SDK2: variants seen among roughly 807,000 people sequenced by gnomAD.
SDK2 encodes the protein protein sidekick-2.
Under a neutral mutation model 253.9 loss-of-function variants are expected in SDK2, and 105 were observed. The ratio of observed to expected loss-of-function variants is 0.41; its 90% CI spans 0.35 to 0.49. The LOEUF is 0.49. Ranked by LOEUF, SDK2 falls within the 20% of genes least tolerant of loss-of-function variation. The pLI, the probability that SDK2 is intolerant of heterozygous loss-of-function variation, is 0.06. For synonymous variants in SDK2, 1,249 were observed against 1,234.9 expected (o/e 1.01, Z -0.24); for missense variants, 2,608 against 3,003.0 (o/e 0.87, Z 3.07).
chr17:73,435,430 C>T lies in SDK2; in HGVS notation c.1195+20G>A. 1 of 1,573,078 alleles carries T rather than the reference C, an allele frequency of 6.4e-7. No homozygotes were observed. The highest frequency in any genetic ancestry group is 8.6e-7 in the Non-Finnish European group (1 of 1,157,772). On this transcript the variant is annotated intron_variant, in intron 9 of 44. Transcript: ENST00000392650. This position sits in a 1 kb window ranked among gnomAD's most constrained non-coding sequence, Gnocchi z 5.7. Reference sequence around the variant, plus strand: ...TGGGAAGAGGGGCTCACGGGCAGCACAAGGGAAGGCCCAACTTACTGGTGA... The same window carrying T: ...TGGGAAGAGGGGCTCACGGGCAGCATAAGGGAAGGCCCAACTTACTGGTGA...
chr17:73,503,154 A>G (rs1172225674), intron 2 of SDK2, among the ~76,000 whole-genome samples: 1 of 152,254 alleles, frequency 6.6e-6, no homozygotes, highest in Non-Finnish European at 1.5e-5. Flanking sequence ...AGGTGTATCA[A>G]GACTCATGGC....
At chr17:73,549,766 G>A (rs200100033) in intron 1 of SDK2, among the ~76,000 whole-genome samples, 2 of 152,328 alleles carry the variant, frequency 1.3e-5, no homozygotes, top group East Asian at 3.9e-4. Flanking sequence ...GCAGAGACAA[G>A]GAGAGGGGTG....
chr17:73,360,538 A>G (rs1406096111), intron 39 of SDK2, among the ~76,000 whole-genome samples: 1 of 148,808 alleles, frequency 6.7e-6, no homozygotes, highest in Non-Finnish European at 1.5e-5. Flanking sequence ...TTTTGTGTTC[A>G]GGACAGGACA....
chr17:73,421,909 C>A (rs1422019157), intron 15 of SDK2, among the ~76,000 whole-genome samples: 1 of 152,002 alleles, frequency 6.6e-6, no homozygotes, highest in Admixed American at 6.6e-5. Context: ...CAGGGCCTGG[C>A]GTCGTGCAAG....
At chr17:73,554,987 G>A (rs1023989919) in intron 1 of SDK2, among the ~76,000 whole-genome samples, 2 of 152,250 alleles carry the variant, frequency 1.3e-5, no homozygotes, top group Non-Finnish European at 1.5e-5. Flanking sequence ...GCAGGGCCTT[G>A]GTGCCCAGAC....
At chr17:73,394,128 G>T (rs1037447831) in intron 26 of SDK2, 81 bp downstream of exon 26, 2 of 811,922 alleles carry the variant, frequency 2.5e-6, no homozygotes, top group Non-Finnish European at 1.8e-6. Flanking sequence ...GACCTAGAGG[G>T]TGATAAGGAC....
chr17:73,536,392 T>A (rs1299646236), intron 1 of SDK2, among the ~76,000 whole-genome samples: 1 of 152,190 alleles, frequency 6.6e-6, no homozygotes, highest in Non-Finnish European at 1.5e-5. Context: ...TACTTCCTTG[T>A]TGGCATTCCA....
intron 1 of SDK2, among the ~76,000 whole-genome samples, chr17:73,565,080 C>T (rs2045293292): frequency 6.6e-6 from 1 of 152,166 alleles, no homozygotes; most frequent in South Asian, 2.1e-4. Flanking sequence ...GGCTCTAGCT[C>T]CTGCCAAGTG....
chr17:73,506,368 G>A (rs904203506), intron 2 of SDK2, among the ~76,000 whole-genome samples: 5 of 152,192 alleles, frequency 3.3e-5, no homozygotes. Context: ...CCCTCTGCAG[G>A]AGGGGAGGGG....
At chr17:73,522,247 C>T (rs2064086105) in intron 1 of SDK2, among the ~76,000 whole-genome samples, 1 of 152,256 alleles carries the variant, frequency 6.6e-6, no homozygotes, top group African/African-American at 2.4e-5. Context: ...TGGGCTGCCC[C>T]AAAGGCAGGG....
intron 1 of SDK2, among the ~76,000 whole-genome samples, chr17:73,561,127 C>T (rs893006906): frequency 2.0e-5 from 3 of 152,182 alleles, no homozygotes; most frequent in Admixed American, 2.0e-4. Flanking sequence ...CCCCAGACTC[C>T]ACAACTTGGC....
intron 1 of SDK2, among the ~76,000 whole-genome samples, chr17:73,586,668 C>T (rs935668108): frequency 1.3e-5 from 2 of 152,120 alleles, no homozygotes; most frequent in South Asian, 4.1e-4. Context: ...GACCCCTGGT[C>T]GACCAGCTGG....
At chr17:73,552,138 A>G (rs1321425590) in intron 1 of SDK2, among the ~76,000 whole-genome samples, 2 of 152,030 alleles carry the variant, frequency 1.3e-5, no homozygotes, top group African/African-American at 4.8e-5. Flanking sequence ...GACATAAAAT[A>G]TTGTCGGAGA....
At chr17:73,498,114 G>A (rs1389879218) in intron 2 of SDK2, among the ~76,000 whole-genome samples, 1 of 152,172 alleles carries the variant, frequency 6.6e-6, no homozygotes, top group Non-Finnish European at 1.5e-5. Context: ...ACACATGGGG[G>A]CCAGGATCTT....
In SDK2 at chr17:73,614,953, C is replaced by T. The variant is rs555386535; in HGVS notation, c.64+29072G>A. On this transcript the variant is annotated intron_variant, in intron 1 of 44. Transcript: ENST00000392650. ...ACACAATATATCCAGGTAACAAACC[C>T]GCATGTGTGTCCCCTGAATAGAAGA... 1.1e-4 allele frequency among the ~76,000 whole-genome samples: 16 copies of T among 150,294 alleles called. No homozygotes were observed. The South Asian group carries it at 1.5e-3, about 14-fold the overall frequency.
intron 12 of SDK2, among the ~76,000 whole-genome samples, chr17:73,428,401 T>C (rs1159045671): frequency 1.3e-5 from 2 of 152,098 alleles, no homozygotes; most frequent in African/African-American, 4.8e-5. Context: ...GAGGTTTTCA[T>C]GCTAGAAACC....
chr17:73,636,565 T>C (rs1285909750), intron 1 of SDK2, among the ~76,000 whole-genome samples: 3 of 150,462 alleles, frequency 2.0e-5, no homozygotes, highest in Non-Finnish European at 4.4e-5. Flanking sequence ...CCTGTAATCC[T>C]AGCTACTCGG....
chr17:73,391,947 T>G (rs2062931767), intron 27 of SDK2, among the ~76,000 whole-genome samples: 1 of 100,298 alleles, frequency 1.0e-5, no homozygotes. Flanking sequence ...ACCCCCAGCC[T>G]GCACCACTCC....
intron 1 of SDK2, among the ~76,000 whole-genome samples, chr17:73,539,909 G>A (rs1179173507): frequency 6.6e-6 from 1 of 152,016 alleles, no homozygotes; most frequent in East Asian, 1.9e-4. Context: ...CAGAGACGGG[G>A]TCATGCAGCT....
Sources: gnomAD v4.1 joint callset for allele counts (sites outside exome capture counted in the v4.1 genomes callset) on GRCh38, gnomAD v4.1.1 for gene constraint, Gnocchi (gnomAD v3.1) non-coding constraint, MANE v1.5 for transcripts, NCBI Gene and HGNC (gene_info 2026-07-23, HGNC 2026-07-21) for gene names.